Variants in MVD observed in about 807,000 individuals in gnomAD.
The protein encoded by MVD is diphosphomevalonate decarboxylase.
Under a neutral mutation model 42.4 loss-of-function variants are expected in MVD, and 52 were observed. That is an observed-to-expected ratio of 1.23 (90% CI 0.98 to 1.55). The LOEUF (loss-of-function observed/expected upper bound fraction) is 1.55, where lower values mean the gene tolerates loss of function less well. Ranked by LOEUF, MVD falls within the 40% of genes most tolerant of loss-of-function variation. The pLI is 0.00. For synonymous variants in MVD, 287 were observed against 243.2 expected (o/e 1.18, Z -1.68); for missense variants, 663 against 572.1 (o/e 1.16, Z -1.62).
In MVD at chr16:88,658,633, C is replaced by T. The variant is rs1051407610; in HGVS notation, c.141+17G>A. On this transcript the variant is annotated intron_variant, in intron 2 of 9. Transcript: ENST00000301012. Reference sequence around the variant, plus strand: ...TGGAAATGGCACTGTGGTGTTTAGTCGTCAGTCCACACATACCTGGTCCTG... The same window carrying T: ...TGGAAATGGCACTGTGGTGTTTAGTTGTCAGTCCACACATACCTGGTCCTG... 5.0e-6 allele frequency: 8 copies of T among 1,611,674 alleles called. No homozygotes were observed. Among genetic ancestry groups the T allele is most frequent in the Admixed American group, 3.3e-5 (2 of 59,910 alleles).
intron 4 of MVD, chr16:88,657,107 GA>G (rs1225850046): frequency 6.1e-6 from 3 of 487,848 alleles, no homozygotes; most frequent in Non-Finnish European, 1.1e-5. Context: ...GCAACGGGAA[GA>G]TTTTTTTATT....
chr16:88,662,902 G>C, intron 1 of MVD, 109 bp downstream of exon 1: 1 of 1,514,546 alleles, frequency 6.6e-7, no homozygotes, highest in Non-Finnish European at 8.8e-7. Context: ...CCCGTCTGTC[G>C]AGGCCCTGGG....
Position 88,655,365 on chromosome 16 carries a change from A to C in MVD, c.731T>G (p.Ile244Ser). The C allele has an allele frequency of 6.2e-7, 1 of 1,600,266 alleles. No individual in the cohort carries two copies. Among genetic ancestry groups the C allele is most frequent in the Non-Finnish European group, 8.5e-7 (1 of 1,174,336 alleles). Residue 244 changes from isoleucine to serine, a missense_variant, in exon 7 of 10, where the codon ATC becomes AGC. Ile to Ser is a moderately radical substitution (Grantham distance 142). Transcript: ENST00000301012. ...PARMAEMARC[I>S]RERDFPSFAQ... ...GAAGCTGGGGAAGTCTCGCTCCCGG[A>C]TGCAGCGGGCCATCTCCGCCATGCG...
intron 2 of MVD, 57 bp downstream of exon 2, chr16:88,658,593 G>T: frequency 6.4e-7 from 1 of 1,555,738 alleles, no homozygotes; most frequent in Non-Finnish European, 8.8e-7. Flanking sequence ...GGTACCAACT[G>T]TTCTACAAAT....
At chr16:88,653,211 G>A (rs1047499515) in intron 9 of MVD, 89 bp downstream of exon 9, 33 of 1,012,350 alleles carry the variant, frequency 3.3e-5, no homozygotes, top group African/African-American at 3.0e-4. Flanking sequence ...ACAGGGAGCC[G>A]CGCTTAGCCT....
At chr16:88,656,541 G>A (rs937339421) in intron 4 of MVD, 125 of 582,994 alleles carry the variant, frequency 2.1e-4, no homozygotes, top group South Asian at 1.5e-3. Flanking sequence ...TGCGGCCCGC[G>A]ACAAGGGCAA....
At position 88,657,474 on chromosome 16, in the gene MVD, G is replaced by T; in HGVS notation, c.365C>A (p.Ala122Glu). 1 of 1,612,184 alleles carries T rather than the reference G, an allele frequency of 6.2e-7. No homozygotes were observed. The highest frequency in any genetic ancestry group is 8.5e-7 in the Non-Finnish European group (1 of 1,179,702). The change falls in exon 4 of 10, where the codon GCG (alanine) becomes GAG (glutamate). Residue 122 changes from alanine (A) to glutamate (E), a missense_variant. Transcript: ENST00000301012. ...GCCCGCCGCTGAGGAGGCCAGGCCCGCAGCCGTGGGGAAGTTGTTCACCGA... is the reference window on the plus strand; with the variant it reads ...GCCCGCCGCTGAGGAGGCCAGGCCCTCAGCCGTGGGGAAGTTGTTCACCGA... ...VASVNNFPTA[A>E]GLASSAAGYA...
chr16:88,658,291 G>T (rs1383839735), intron 2 of MVD, among the ~76,000 whole-genome samples: 4 of 152,200 alleles, frequency 2.6e-5, no homozygotes, highest in African/African-American at 9.6e-5. Flanking sequence ...GGGGCACGGT[G>T]TGCGCATGTG....
In MVD at chr16:88,655,233, A is replaced by C; in HGVS notation, c.863T>G (p.Val288Gly). Residue 288 changes from valine to glycine, a missense_variant, in exon 7 of 10, where the codon GTG becomes GGG. Coordinates refer to ENST00000301012, the MANE Select transcript of MVD (RefSeq NM_002461.3). ...NAISWRIIHL[V>G]HRFNAHHGDT... ...CCCGTGGTGGGCGTTGAAGCGGTGCACCAGGTGGATGATGCGCCAGGAGAT... is the reference window on the plus strand; with the variant it reads ...CCCGTGGTGGGCGTTGAAGCGGTGCCCCAGGTGGATGATGCGCCAGGAGAT... 6.3e-7 allele frequency: 1 copy of C among 1,579,054 alleles called. No individual in the cohort carries two copies. Among genetic ancestry groups the C allele is most frequent in the East Asian group, 2.3e-5 (1 of 43,100 alleles).
chr16:88,655,838 G>A, intron 5 of MVD, 108 bp from the exon 6 acceptor site: 2 of 1,344,164 alleles, frequency 1.5e-6, no homozygotes, highest in Non-Finnish European at 2.0e-6. Flanking sequence ...AGCGGGGGTG[G>A]GAGTCAGTGC....
At position 88,653,280 on chromosome 16, in the gene MVD, G is replaced by C; in HGVS notation, c.1122+20C>G. On this transcript the variant is annotated intron_variant, in intron 9 of 9. Transcript: ENST00000301012. ...GCAGGAAAGGAAACCCCGGGGTACT[G>C]GGTGAGCCCCAGGCCTCACCTGAGT... is the stretch of plus-strand genomic sequence containing the variant. The C allele has an allele frequency of 6.3e-7, 1 of 1,577,814 alleles. No homozygotes were observed. Among genetic ancestry groups the C allele is most frequent in the East Asian group, 2.3e-5 (1 of 43,478 alleles).
intron 3 of MVD, 163 bp from the exon 4 acceptor site, chr16:88,657,745 C>G (rs575172741): frequency 1.8e-5 from 23 of 1,284,976 alleles, no homozygotes; most frequent in Middle Eastern, 5.4e-4. Context: ...CCAAGCCCAG[C>G]TGGTCATTGA....
Position 88,658,687 on chromosome 16 carries a change from AT to A in MVD, c.103del (p.Ile35SerfsTer5). On this transcript the variant is annotated frameshift_variant, in exon 2 of 10. Transcript: ENST00000301012. LOFTEE classifies it high-confidence loss of function. ...CAGAGTGACGCTCAGGGAGGAGTTGATGGGCAGAACCAGCTCTTCATCGCGC... is the reference window on the plus strand; with the variant it reads ...CAGAGTGACGCTCAGGGAGGAGTTGAGGGCAGAACCAGCTCTTCATCGCGC... Reference protein sequence around the residue: ...GKRDEELVLPINSSLSVTLHQ... With the variant: ...GKRDEELVLPXNSSLSVTLHQ... The A allele has an allele frequency of 6.2e-7, 1 of 1,613,550 alleles. No individual in the cohort carries two copies. The highest frequency in any genetic ancestry group is 1.1e-5 in the South Asian group (1 of 90,988).
In MVD at chr16:88,657,612, C is replaced by G. The variant is rs901281606; in HGVS notation, c.257-30G>C. ...AGAGACAATGAGACAGCGTGTGGCC[C>G]AGCCGTCAGCACCCTGCCCGCCCTG... On this transcript the variant is annotated intron_variant, in intron 3 of 9. Coordinates refer to ENST00000301012, the MANE Select transcript of MVD (RefSeq NM_002461.3). The G allele has an allele frequency of 2.5e-6, 4 of 1,602,816 alleles. No individual in the cohort carries two copies. In the Admixed American group the frequency reaches 5.0e-5, roughly 20 times the overall value.
At chr16:88,661,939 G>GGT (rs1555543942) in intron 1 of MVD, among the ~76,000 whole-genome samples, 1 of 32,544 alleles carries the variant, frequency 3.1e-5, no homozygotes, top group Non-Finnish European at 9.9e-5. Context: ...TATCTATACA[G>GGT]GTGTATATAT....
Position 88,657,548 on chromosome 16 carries a change from C to T in MVD, c.291G>A (p.Arg97=). The change falls in exon 4 of 10, where the codon CGG becomes CGA. Residue 97 remains arginine, a synonymous_variant. Coordinates refer to ENST00000301012, the MANE Select transcript of MVD (RefSeq NM_002461.3). ...RCLARKRRNS[R]DGDPLPSSLS... is the part of the protein sequence containing the mutation. ...GGCTGGAGGGCAGCGGGTCCCCATC[C>T]CGTGAGTTCCTCCGCTTCCGGGCCA... The T allele has an allele frequency of 1.2e-6, 2 of 1,612,774 alleles. No homozygotes were observed. Among genetic ancestry groups the T allele is most frequent in the Non-Finnish European group, 1.7e-6 (2 of 1,179,898 alleles).
chr16:88,656,985 C>G (rs1209392916), intron 4 of MVD: 2 of 352,104 alleles, frequency 5.7e-6, no homozygotes, highest in Non-Finnish European at 1.1e-5. Flanking sequence ...CTGCAACCAG[C>G]TGTGCCCATT....
chr16:88,657,302 G>C, intron 4 of MVD, 134 bp downstream of exon 4: 1 of 1,222,860 alleles, frequency 8.2e-7, no homozygotes, highest in Non-Finnish European at 1.2e-6. Context: ...CAACTCCAGA[G>C]AGGCCAGGGA....
chr16:88,658,102 T>A, intron 2 of MVD, 73 bp from the exon 3 acceptor site: 1 of 1,444,850 alleles, frequency 6.9e-7, no homozygotes. Context: ...CCCTTTCTAC[T>A]GAGAGAGCCT....
Sources: allele counts gnomAD v4.1 joint callset (sites outside exome capture counted in the v4.1 genomes callset), GRCh38; gene constraint gnomAD v4.1.1; transcripts MANE v1.5; gene names NCBI Gene and HGNC (gene_info 2026-07-23, HGNC 2026-07-21).